The following SEMA4D variants were observed in gnomAD, a reference collection of about 807,000 sequenced individuals.
SEMA4D encodes the protein semaphorin 4D, also known as semaphorin-4D.
SEMA4D carries 22 observed loss-of-function variants against 74.8 expected under a neutral mutation model. The ratio of observed to expected loss-of-function variants is 0.29; its 90% confidence interval spans 0.21 to 0.42. The LOEUF is 0.42. Among genes scored for constraint, SEMA4D ranks in the 10% least tolerant of loss-of-function variants. The pLI, the probability that SEMA4D is intolerant of heterozygous loss-of-function variation, is 1.00. For missense variants in SEMA4D, 937 were observed against 1,118.4 expected, an observed-to-expected ratio of 0.84 and a Z score of 2.31; for synonymous variants, 445 against 463.7, an observed-to-expected ratio of 0.96 and a Z score of 0.52.
intron 1 of SEMA4D, among the ~76,000 whole-genome samples, chr9:89,494,529 A>C (rs1825862336): frequency 6.6e-6 from 1 of 152,232 alleles, no homozygotes; most frequent in South Asian, 2.1e-4. Context: ...TATAGTCTAC[A>C]CTAAGGAGTG....
At chr9:89,371,306 G>A (rs1316550258) in intron 16 of SEMA4D, among the ~76,000 whole-genome samples, 4 of 142,998 alleles carry the variant, frequency 2.8e-5, no homozygotes, top group African/African-American at 5.2e-5. Context: ...GTGTGTCTGG[G>A]GTGTGGTGTG....
chr9:89,373,860 A>G (rs990625167), downstream of SEMA4D, among the ~76,000 whole-genome samples: 5 of 152,200 alleles, frequency 3.3e-5, no homozygotes, highest in Admixed American at 3.3e-4. Flanking sequence ...TCTCCTCAGG[A>G]AAGTCTCTGG....
At chr9:89,385,146 G>A (rs1050139131) in intron 13 of SEMA4D, 7 of 890,430 alleles carry the variant, frequency 7.9e-6, no homozygotes, top group South Asian at 1.0e-4. Context: ...GCACTGACCC[G>A]TAACCCCCTC....
chr9:89,372,597 A>G (rs1269208498), downstream of SEMA4D, among the ~76,000 whole-genome samples: 1 of 151,874 alleles, frequency 6.6e-6, no homozygotes, highest in Non-Finnish European at 1.5e-5. Context: ...CTGTGCGGCC[A>G]CAGTGCACAC....
intron 2 of SEMA4D, among the ~76,000 whole-genome samples, chr9:89,419,707 G>C (rs1180050174): frequency 2.6e-5 from 4 of 152,108 alleles, no homozygotes; most frequent in African/African-American, 9.7e-5. Context: ...GAGGTCAGGA[G>C]TTCAAGACCA....
chr9:89,429,347 G>A (rs914961592), intron 2 of SEMA4D, among the ~76,000 whole-genome samples: 2 of 152,202 alleles, frequency 1.3e-5, no homozygotes, highest in Non-Finnish European at 2.9e-5. Flanking sequence ...CGCCTTCTTG[G>A]GGCCAGGAGA....
At chr9:89,440,474 C>T (rs59729231) in intron 2 of SEMA4D, among the ~76,000 whole-genome samples, 9,222 of 150,568 alleles carry the variant, frequency 0.061, 528 homozygotes, top group East Asian at 0.3. Flanking sequence ...CTCCCACCCG[C>T]ACCCATCACC....
At chr9:89,444,779 G>A (rs1055074736) in intron 2 of SEMA4D, among the ~76,000 whole-genome samples, 1 of 152,056 alleles carries the variant, frequency 6.6e-6, no homozygotes, top group Non-Finnish European at 1.5e-5. Flanking sequence ...AGAGAAAAGA[G>A]ACATATTCGA....
At chr9:89,481,024 A>T (rs2136187358) in intron 1 of SEMA4D, among the ~76,000 whole-genome samples, 1 of 152,286 alleles carries the variant, frequency 6.6e-6, no homozygotes, top group Middle Eastern at 3.4e-3. Flanking sequence ...TAAAAGTAAC[A>T]CGTCTTGTCC....
At chr9:89,394,657 C>T (rs944833457) in intron 6 of SEMA4D, among the ~76,000 whole-genome samples, 5 of 152,248 alleles carry the variant, frequency 3.3e-5, no homozygotes, top group South Asian at 2.1e-4. Context: ...AACACGCTCT[C>T]GGAAGCAGAG....
In SEMA4D at chr9:89,393,673, G is replaced by T; in HGVS notation, c.415-18C>A. 6.4e-7 allele frequency: 1 copy of T among 1,568,462 alleles called. No homozygotes were observed. The highest frequency in any genetic ancestry group is 1.7e-4 in the Middle Eastern group (1 of 5,966). ...GTTAAGTTCTACAATTGAATAAAAA[G>T]AGAGCACATCATCAGATGGCTGAAT... On this transcript the variant is annotated intron_variant, in intron 6 of 15. Coordinates refer to ENST00000422704, the MANE Select transcript of SEMA4D (RefSeq NM_001371194.2).
rs764876097 is a variant in SEMA4D at position 89,403,032 on chromosome 9, GCA to G, written c.107-18_107-17del. 1 of 1,599,326 alleles carries G rather than the reference GCA, an allele frequency of 6.3e-7. No individual in the cohort carries two copies. The highest frequency in any genetic ancestry group is 8.6e-7 in the Non-Finnish European group (1 of 1,167,558). On this transcript the variant is annotated splice_polypyrimidine_tract_variant and intron_variant, in intron 3 of 15. Transcript: ENST00000422704. ...AGGTGCACCTCTGTGGGATGCAAGGGCAGGGTCAGAGTGGGAGGAAGAAAAGA... is the reference window on the plus strand; with the variant it reads ...AGGTGCACCTCTGTGGGATGCAAGGGGGGTCAGAGTGGGAGGAAGAAAAGA...
At chr9:89,493,843 AG>A (rs2074728304) in intron 1 of SEMA4D, among the ~76,000 whole-genome samples, 1 of 152,258 alleles carries the variant, frequency 6.6e-6, no homozygotes, top group South Asian at 2.1e-4. Context: ...CCCCAGGTCC[AG>A]GTCAGCCAAC....
At position 89,389,146 on chromosome 9, in the gene SEMA4D, G is replaced by A. The variant is rs151129596; in HGVS notation, c.775-99C>T. The A allele has an allele frequency of 5.6e-4, 708 of 1,266,964 alleles. 1 individual carries two copies. The highest frequency in any genetic ancestry group is 5.2e-3 in the African/African-American group (352 of 67,358). 78.5% of individuals were successfully genotyped at this position (1,266,964 alleles called of 1,614,324 possible). A position where few individuals can be genotyped will look rare whatever the true frequency, so the allele number is the denominator to read the frequency against. On this transcript the variant is annotated intron_variant, in intron 9 of 15. Coordinates refer to ENST00000422704, the MANE Select transcript of SEMA4D (RefSeq NM_001371194.2). ...ACCCCTCCATGGCCCAGCACAGCGC[G>A]GCTGTGCCTGACTGAAACAAAGCTC...
At chr9:89,488,350 A>ATTTT (rs1222488409) in intron 1 of SEMA4D, among the ~76,000 whole-genome samples, 5 of 80,446 alleles carry the variant, frequency 6.2e-5, no homozygotes, top group Non-Finnish European at 1.1e-4. Context: ...TGGATCACAG[A>ATTTT]TCTTTTTTTT....
chr9:89,388,924 T>G lies in SEMA4D; in HGVS notation c.898A>C (p.Arg300=). Residue 300 remains arginine, a synonymous_variant, in exon 10 of 16, where the codon AGG becomes CGG. Coordinates refer to ENST00000422704, the MANE Select transcript of SEMA4D (RefSeq NM_001371194.2). ...FNVLRDVFVL[R]SPGLKVPVFY... ...ACAGGCACCTTCAGGCCCGGGGACCTGAGCACGAAGACATCCCGCAGCACA... is the reference window on the plus strand; with the variant it reads ...ACAGGCACCTTCAGGCCCGGGGACCGGAGCACGAAGACATCCCGCAGCACA... The G allele has an allele frequency of 6.2e-7, 1 of 1,614,116 alleles. No homozygotes were observed. Among genetic ancestry groups the G allele is most frequent in the Non-Finnish European group, 8.5e-7 (1 of 1,180,010 alleles).
chr9:89,492,815 C>T lies in SEMA4D; in HGVS notation c.-310+5104G>A, dbSNP rs904740081. 6.6e-6 allele frequency among the ~76,000 whole-genome samples: 1 copy of T among 152,182 alleles called. No individual in the cohort carries two copies. The highest frequency in any genetic ancestry group is 2.4e-5 in the African/African-American group (1 of 41,446). On this transcript the variant is annotated intron_variant, in intron 1 of 15. Coordinates refer to ENST00000422704, the MANE Select transcript of SEMA4D (RefSeq NM_001371194.2). This position sits in a 1 kb window ranked among gnomAD's most constrained non-coding sequence, Gnocchi z 4.3. ...AGCTCCTGCAAGGCCCGCCCCGCAC[C>T]GCCCTCCTACCATTGCTCATGTGTG...
At chr9:89,389,249 C>T (rs575187632) in intron 9 of SEMA4D, among the ~76,000 whole-genome samples, 31 of 152,324 alleles carry the variant, frequency 2.0e-4, no homozygotes, top group Non-Finnish European at 3.8e-4. Context: ...GATCCCAGAA[C>T]GCTCCTGGGT....
At chr9:89,488,544 T>C (rs1166757813) in intron 1 of SEMA4D, among the ~76,000 whole-genome samples, 4 of 152,044 alleles carry the variant, frequency 2.6e-5, no homozygotes, top group Non-Finnish European at 5.9e-5. Context: ...GGCTAATTTT[T>C]GTACTTTTAG....
Sources: gnomAD v4.1 joint callset for allele counts (sites outside exome capture counted in the v4.1 genomes callset) on GRCh38, gnomAD v4.1.1 for gene constraint, Gnocchi (gnomAD v3.1) non-coding constraint, MANE v1.5 for transcripts, NCBI Gene and HGNC (gene_info 2026-07-23, HGNC 2026-07-21) for gene names.